Variants in IGSF9B observed in about 807,000 individuals in gnomAD.
The protein encoded by IGSF9B is immunoglobulin superfamily member 9B.
In IGSF9B, 48 loss-of-function variants were observed where a neutral mutation model predicts 143.7. That is an observed-to-expected ratio of 0.33 (90% CI 0.26 to 0.42). IGSF9B has a LOEUF of 0.42. Among genes scored for constraint, IGSF9B ranks in the 20% least tolerant of loss-of-function variants. The pLI, the probability that IGSF9B is intolerant of heterozygous loss-of-function variation, is 1.00. For synonymous variants in IGSF9B, 903 were observed against 833.1 expected (o/e 1.08, Z -1.44); for missense variants, 1,706 against 1,980.0 (o/e 0.86, Z 2.63).
At chr11:133,925,664 A>G in intron 14 of IGSF9B, 75 bp downstream of exon 14, 1 of 1,318,640 alleles carries the variant, frequency 7.6e-7, no homozygotes, top group Non-Finnish European at 1.1e-6. Context: ...TGGTCACTCA[A>G]AGCTTCCAGT....
rs1294722092 is a variant in IGSF9B, at chr11:133,928,726, G to A, written c.1631+945C>T. Among the ~76,000 whole-genome samples the A allele has an allele frequency of 6.6e-6, 1 of 152,062 alleles. No homozygotes were observed. Among genetic ancestry groups the A allele is most frequent in the Non-Finnish European group, 1.5e-5 (1 of 67,994 alleles). Reference sequence around the variant, plus strand: ...CCTTGGGGGTGGGAGGAGTCAGCTAGGCTTCCTTCTCCTCCCTTCCTGTGC... The same window carrying A: ...CCTTGGGGGTGGGAGGAGTCAGCTAAGCTTCCTTCTCCTCCCTTCCTGTGC... On this transcript the variant is annotated intron_variant, in intron 12 of 19. Transcript: ENST00000533871. This position sits in a 1 kb window ranked among gnomAD's most constrained non-coding sequence, Gnocchi z 4.7.
rs775133930 is a variant in IGSF9B at position 133,931,613 on chromosome 11, G to C, written c.1251+42C>G. The C allele has an allele frequency of 6.2e-7, 1 of 1,608,832 alleles. No homozygotes were observed. The highest frequency in any genetic ancestry group is 8.5e-7 in the Non-Finnish European group (1 of 1,176,530). On this transcript the variant is annotated intron_variant, in intron 9 of 19. Transcript: ENST00000533871. This position sits in a 1 kb window ranked among gnomAD's most constrained non-coding sequence, Gnocchi z 7.7. The stretch of plus-strand genomic sequence containing the variant: ...GCACCCTCGTGAGGCCGGGGATCCA[G>C]GTGCCCAGCTCATGGAGGCCGTCAC...
rs1156303330 is a variant in IGSF9B at position 133,907,132 on chromosome 11, G to A, written c.*1937C>T. On this transcript the variant is annotated 3_prime_UTR_variant, in exon 20 of 20. Transcript: ENST00000533871. ...ACGGCCCAGTCTCAGAAGCCCCTGCGTGCCTCTCTCACCATGACCCCTTCA... is the reference window on the plus strand; with the variant it reads ...ACGGCCCAGTCTCAGAAGCCCCTGCATGCCTCTCTCACCATGACCCCTTCA... Among the ~76,000 whole-genome samples the A allele has an allele frequency of 6.6e-6, 1 of 152,092 alleles. No homozygotes were observed. Among genetic ancestry groups the A allele is most frequent in the Non-Finnish European group, 1.5e-5 (1 of 68,024 alleles).
chr11:133,938,009 C>A, intron 3 of IGSF9B, 48 bp from the exon 4 acceptor site: 1 of 1,596,030 alleles, frequency 6.3e-7, no homozygotes, highest in South Asian at 1.1e-5. Context: ...AGCCACATCG[C>A]TGCCCTGCAA....
At chr11:133,919,708 C>T (rs761992310) in intron 18 of IGSF9B, 34 bp downstream of exon 18, 15 of 1,302,504 alleles carry the variant, frequency 1.2e-5, no homozygotes, top group Non-Finnish European at 1.4e-5. Flanking sequence ...GGAAGTTGCC[C>T]AGGTGCGGGT....
At position 133,906,397 on chromosome 11, in the gene IGSF9B, CA is replaced by C. The variant is rs11321909; in HGVS notation, c.*2671del. On this transcript the variant is annotated 3_prime_UTR_variant, in exon 20 of 20. Transcript: ENST00000533871. ...GGACACTGTCACAGGAGGAAGCCCT[CA>C]GGGGAGCTGAATGAGTGGCAGGCCA... Among the ~76,000 whole-genome samples, 5,392 of 152,326 alleles carry C rather than the reference CA, an allele frequency of 0.035. 287 individuals are homozygous for C. Among genetic ancestry groups the C allele is most frequent in the African/African-American group, 0.11 (4,764 of 41,568 alleles).
chr11:133,948,141 T>C lies in IGSF9B; in HGVS notation c.65-1883A>G, dbSNP rs567377159. Among the ~76,000 whole-genome samples the C allele has an allele frequency of 5.9e-4, 90 of 151,746 alleles. No individual in the cohort carries two copies. The highest frequency in any genetic ancestry group is 1.6e-3 in the Admixed American group (25 of 15,210). ...CAAGGGGAGGGGTTCTGCCTGCTTC[T>C]CTGTATGCAAGGGCTCCGTCTCTGC... On this transcript the variant is annotated intron_variant, in intron 1 of 19. Transcript: ENST00000533871. This position sits in a 1 kb window ranked among gnomAD's most constrained non-coding sequence, Gnocchi z 4.7.
chr11:133,919,188 G>A (rs1334908546), intron 18 of IGSF9B: 1 of 393,244 alleles, frequency 2.5e-6, no homozygotes, highest in Middle Eastern at 7.7e-4. Flanking sequence ...GCCTCCAGGA[G>A]AGGCTGAGGA....
In IGSF9B at chr11:133,928,696, G is replaced by A. The variant is rs1939672398; in HGVS notation, c.1631+975C>T. Among the ~76,000 whole-genome samples, 1 of 151,786 alleles carries A rather than the reference G, an allele frequency of 6.6e-6. No homozygotes were observed. The highest frequency in any genetic ancestry group is 2.4e-5 in the African/African-American group (1 of 41,308). ...TACTCAAACAGGAGTGTAGGGAGGG[G>A]CAGCCCTTGGGGGTGGGAGGAGTCA... On this transcript the variant is annotated intron_variant, in intron 12 of 19. Coordinates refer to ENST00000533871, the MANE Select transcript of IGSF9B (RefSeq NM_001277285.4). The surrounding 1 kb of genome is among the most constrained non-coding windows in gnomAD (Gnocchi z 4.7).
In IGSF9B at chr11:133,937,835, A is replaced by G; in HGVS notation, c.536T>C (p.Leu179Pro). Residue 179 changes from leucine (L) to proline (P), a missense_variant, in exon 4 of 20, where the codon CTC becomes CCC. Transcript: ENST00000533871. Reference sequence around the variant, plus strand: ...CTGGTATTTCCCACTAGCACCGAGGAGCGTCCCCTCCTTGAGCCAGGTGAC... The same window carrying G: ...CTGGTATTTCCCACTAGCACCGAGGGGCGTCCCCTCCTTGAGCCAGGTGAC... ...PIVTWLKEGTLLGASGKYQVS... is the reference protein window; with the variant it reads ...PIVTWLKEGTPLGASGKYQVS... The G allele has an allele frequency of 6.2e-7, 1 of 1,610,548 alleles. No homozygotes were observed. Among genetic ancestry groups the G allele is most frequent in the African/African-American group, 1.3e-5 (1 of 74,998 alleles).
Position 133,922,733 on chromosome 11 carries a change from G to A in IGSF9B, c.2120-3C>T. The A allele has an allele frequency of 6.4e-7, 1 of 1,558,766 alleles. No individual in the cohort carries two copies. Among genetic ancestry groups the A allele is most frequent in the African/African-American group, 1.4e-5 (1 of 73,690 alleles). ...CAGGTCCGGCTGCGGGAAGATGTCTGCAGGGAGGGTGGGGAGCACTCATGA... is the reference window on the plus strand; with the variant it reads ...CAGGTCCGGCTGCGGGAAGATGTCTACAGGGAGGGTGGGGAGCACTCATGA... On this transcript the variant is annotated splice_region_variant and splice_polypyrimidine_tract_variant and intron_variant, in intron 15 of 19. Transcript: ENST00000533871.
chr11:133,927,550 A>G (rs1285973975), intron 12 of IGSF9B, among the ~76,000 whole-genome samples: 1 of 152,220 alleles, frequency 6.6e-6, no homozygotes, highest in African/African-American at 2.4e-5. Context: ...GGTAACCCAC[A>G]GGGCTCATTC....
chr11:133,902,473 C>A lies in IGSF9B; in HGVS notation c.*6596G>T, dbSNP rs1388096696. Reference sequence around the variant, plus strand: ...GACACACCACACACAGATACACACACCACACACAACACACACACACACCAG... The same window carrying A: ...GACACACCACACACAGATACACACAACACACACAACACACACACACACCAG... On this transcript the variant is annotated 3_prime_UTR_variant, in exon 20 of 20. Transcript: ENST00000533871. Among the ~76,000 whole-genome samples the A allele has an allele frequency of 2.8e-5, 2 of 71,014 alleles. No homozygotes were observed. The highest frequency in any genetic ancestry group is 1.3e-4 in the Admixed American group (1 of 7,536). 46.6% of individuals were successfully genotyped at this position (71,014 alleles called of 152,430 possible).
Position 133,920,239 on chromosome 11 carries a change from G to A in IGSF9B, c.3486C>T (p.Ser1162=). ...PAEPGAHGGP[S]TFGLDTRWYE... Reference sequence around the variant, plus strand: ...ACCACCGGGTGTCCAGGCCAAATGTGCTGGGGCCGCCGTGCGCCCCCGGCT... The same window carrying A: ...ACCACCGGGTGTCCAGGCCAAATGTACTGGGGCCGCCGTGCGCCCCCGGCT... Residue 1162 remains serine (S), a synonymous_variant, in exon 18 of 20, where the codon AGC becomes AGT. Coordinates refer to ENST00000533871, the MANE Select transcript of IGSF9B (RefSeq NM_001277285.4). 2 of 1,517,132 alleles carry A rather than the reference G, an allele frequency of 1.3e-6. No homozygotes were observed. The highest frequency in any genetic ancestry group is 1.8e-6 in the Non-Finnish European group (2 of 1,132,504). The allele number at this position is 1,517,132 out of a possible 1,614,324, so 94.0% of individuals were successfully genotyped here. A position where few individuals can be genotyped will look rare whatever the true frequency, so the allele number is the denominator to read the frequency against.
chr11:133,937,343 C>T lies in IGSF9B; in HGVS notation c.679+33G>A, dbSNP rs368827068. 45 of 1,515,766 alleles carry T rather than the reference C, an allele frequency of 3.0e-5. No individual in the cohort carries two copies. The African/African-American group carries it at 5.8e-4, about 19-fold the overall frequency. The allele number at this position is 1,515,766 out of a possible 1,614,324, so 93.9% of individuals were successfully genotyped here. ...CGGGCTGGACATCCCCGCGGGAGCCCAGGGTTAAAGAGGCTGAGGAAATGG... is the reference window on the plus strand; with the variant it reads ...CGGGCTGGACATCCCCGCGGGAGCCTAGGGTTAAAGAGGCTGAGGAAATGG... On this transcript the variant is annotated intron_variant, in intron 5 of 19. Coordinates refer to ENST00000533871, the MANE Select transcript of IGSF9B (RefSeq NM_001277285.4).
chr11:133,910,705 C>T (rs1473933562), intron 19 of IGSF9B, among the ~76,000 whole-genome samples: 1 of 152,184 alleles, frequency 6.6e-6, no homozygotes, highest in Non-Finnish European at 1.5e-5. Flanking sequence ...TAAAGACAGA[C>T]ATTTGGAAGA....
chr11:133,951,718 C>T (rs1397786069), intron 1 of IGSF9B, among the ~76,000 whole-genome samples: 4 of 152,194 alleles, frequency 2.6e-5, no homozygotes, highest in African/African-American at 9.6e-5. Context: ...AGAGGCCTGC[C>T]CGGCACTCAC....
chr11:133,951,971 C>T (rs1423405109), intron 1 of IGSF9B: 6 of 445,306 alleles, frequency 1.3e-5, no homozygotes, highest in East Asian at 7.1e-5. Flanking sequence ...CACAGGCCCC[C>T]GCTCCATCTC....
Position 133,903,841 on chromosome 11 carries a change from T to C in IGSF9B, c.*5228A>G, listed in dbSNP as rs970307213. On this transcript the variant is annotated 3_prime_UTR_variant, in exon 20 of 20. Transcript: ENST00000533871. Reference sequence around the variant, plus strand: ...AGTCAGAGGGAAGGGTGGTGATTGGTACCCCTAGCCAAACAGCAAGCTGGT... The same window carrying C: ...AGTCAGAGGGAAGGGTGGTGATTGGCACCCCTAGCCAAACAGCAAGCTGGT... 2.6e-5 allele frequency among the ~76,000 whole-genome samples: 4 copies of C among 152,178 alleles called. No individual in the cohort carries two copies. Among genetic ancestry groups the C allele is most frequent in the African/African-American group, 9.7e-5 (4 of 41,450 alleles).
Sources: gnomAD v4.1 joint callset for allele counts (sites outside exome capture counted in the v4.1 genomes callset) on GRCh38, gnomAD v4.1.1 for gene constraint, Gnocchi (gnomAD v3.1) non-coding constraint, MANE v1.5 for transcripts, NCBI Gene and HGNC (gene_info 2026-07-23, HGNC 2026-07-21) for gene names.